Variants in LY9 observed in about 807,000 individuals in gnomAD.
LY9 encodes lymphocyte antigen 9.
A neutral mutation model predicts 64.6 loss-of-function variants in LY9; 59 were observed. The observed-to-expected ratio is 0.91, with a 90% CI of 0.74 to 1.13. LY9 has a LOEUF of 1.13. Ranked by LOEUF, LY9 falls within the 50% of genes most tolerant of loss-of-function variation. LY9 has a pLI of 0.00. For missense variants in LY9, 789 were observed against 797.2 expected (o/e 0.99, Z 0.12); for synonymous variants, 281 against 308.5 (o/e 0.91, Z 0.93).
chr1:160,805,483 A>T (rs1458484177), intron 2 of LY9, among the ~76,000 whole-genome samples: 4 of 152,148 alleles, frequency 2.6e-5, no homozygotes, highest in Admixed American at 6.5e-5. Flanking sequence ...TCAATTTTTT[A>T]AAATTTGTTG....
intron 4 of LY9, 95 bp downstream of exon 4, chr1:160,814,856 C>G: frequency 6.0e-6 from 6 of 1,006,064 alleles, no homozygotes; most frequent in South Asian, 3.1e-5. Context: ...CAAGGGTCTT[C>G]CCTCATACTG....
intron 7 of LY9, among the ~76,000 whole-genome samples, chr1:160,820,130 T>C (rs1024896996): frequency 9.2e-5 from 14 of 152,168 alleles, no homozygotes; most frequent in Non-Finnish European, 5.9e-5. Context: ...TTGTCTCCAT[T>C]CTGAGAACAG....
intron 9 of LY9, among the ~76,000 whole-genome samples, chr1:160,825,041 A>C (rs1354085521): frequency 6.6e-6 from 1 of 151,766 alleles, no homozygotes; most frequent in African/African-American, 2.4e-5. Flanking sequence ...TGTCTTTATA[A>C]AAAGTTCAAA....
At chr1:160,816,329 T>C (rs1325303571) in intron 4 of LY9, among the ~76,000 whole-genome samples, 3 of 152,200 alleles carry the variant, frequency 2.0e-5, no homozygotes, top group Admixed American at 1.3e-4. Flanking sequence ...ACTAACTGTA[T>C]AGAATGAGGT....
Position 160,814,575 on chromosome 1 carries a change from G to A in LY9, c.886G>A (p.Ala296Thr). The A allele has an allele frequency of 6.2e-7, 1 of 1,614,160 alleles. No homozygotes were observed. Among genetic ancestry groups the A allele is most frequent in the Non-Finnish European group, 8.5e-7 (1 of 1,180,034 alleles). ...TSIISKEREE[A>T]ATADPLIKSR... ...CATCATTAGCAAAGAGAGGGAAGAA[G>A]CAGCAACGGCAGATCCACTCATTAA... The change falls in exon 4 of 10, where the codon GCA becomes ACA. Residue 296 changes from alanine (A) to threonine (T), a missense_variant. Ala to Thr is a moderately conservative substitution (Grantham distance 58). Transcript: ENST00000263285.
intron 7 of LY9, among the ~76,000 whole-genome samples, chr1:160,822,358 T>C (rs891310748): frequency 1.3e-5 from 2 of 152,170 alleles, no homozygotes; most frequent in South Asian, 2.1e-4. Flanking sequence ...GACGTTTACG[T>C]AGTGCCTGGG....
intron 8 of LY9, 149 bp from the exon 9 acceptor site, chr1:160,824,032 A>T: frequency 1.1e-6 from 1 of 948,446 alleles, no homozygotes; most frequent in Non-Finnish European, 1.6e-6. Context: ...TTGGAGAACC[A>T]GAGGCACCGT....
chr1:160,797,459 C>T (rs7555286), intron 1 of LY9, among the ~76,000 whole-genome samples: 94,994 of 152,050 alleles, frequency 0.62, 30,475 homozygotes, highest in Non-Finnish European at 0.69. Flanking sequence ...AGCAGCAAGG[C>T]TGTTTATGTT....
chr1:160,810,148 G>A (rs1667354843), intron 2 of LY9: 1 of 152,256 alleles, frequency 6.6e-6, no homozygotes, highest in African/African-American at 2.4e-5. Flanking sequence ...CAAAGTGCTA[G>A]GATTATAGGC....
chr1:160,815,864 C>G (rs1311726857), intron 4 of LY9, among the ~76,000 whole-genome samples: 2 of 152,212 alleles, frequency 1.3e-5, no homozygotes, highest in African/African-American at 4.8e-5. Context: ...CTCCTCAGCC[C>G]TGGGCCTCAC....
At chr1:160,802,027 T>A (rs2101746298) in intron 2 of LY9, 1 of 1,467,570 alleles carries the variant, frequency 6.8e-7, no homozygotes, top group East Asian at 2.5e-5. Flanking sequence ...CCAGTGCCAC[T>A]GCCCCCCGAG....
chr1:160,805,612 T>G (rs1203057143), intron 2 of LY9, among the ~76,000 whole-genome samples: 1 of 152,152 alleles, frequency 6.6e-6, no homozygotes, highest in Non-Finnish European at 1.5e-5. Context: ...GTTAGGTCCA[T>G]TTGGTCCAAA....
rs375226732 is a variant in LY9, at chr1:160,799,801, T to C, written c.173T>C (p.Ile58Thr). The C allele has an allele frequency of 1.4e-5, 23 of 1,613,858 alleles. No homozygotes were observed. In the African/African-American group the frequency reaches 2.4e-4, roughly 17 times the overall value. Residue 58 changes from isoleucine to threonine, a missense_variant, in exon 2 of 10, where the codon ATC becomes ACC. Coordinates refer to ENST00000263285, the MANE Select transcript of LY9 (RefSeq NM_002348.4). ...KDSAPTVVSG[I>T]LGGSVTLPLN... is the part of the protein sequence containing the mutation. The stretch of plus-strand genomic sequence containing the variant: ...TCAGCCCCAACAGTGGTGTCAGGGA[T>C]CCTAGGGGGTTCCGTGACTCTCCCC...
chr1:160,801,757 ATTC>A, intron 2 of LY9: 1 of 1,547,430 alleles, frequency 6.5e-7, no homozygotes, highest in Non-Finnish European at 8.9e-7. Context: ...GTTCAACTTC[ATTC>A]TTCTGCATGT....
chr1:160,800,087 G>A lies in LY9; in HGVS notation c.454+5G>A, dbSNP rs1666297912. On this transcript the variant is annotated splice_donor_5th_base_variant and intron_variant, in intron 2 of 9. Coordinates refer to ENST00000263285, the MANE Select transcript of LY9 (RefSeq NM_002348.4). ...AATTCACCCTGTTCGTCTATGGTGAGTTCCAGAGAGCTTCTGTGTTTTGAT... is the reference window on the plus strand; with the variant it reads ...AATTCACCCTGTTCGTCTATGGTGAATTCCAGAGAGCTTCTGTGTTTTGAT... 6.3e-7 allele frequency: 1 copy of A among 1,594,216 alleles called. No homozygotes were observed. Among genetic ancestry groups the A allele is most frequent in the Admixed American group, 1.7e-5 (1 of 57,196 alleles).
chr1:160,814,997 C>T, intron 4 of LY9: 1 of 554,132 alleles, frequency 1.8e-6, no homozygotes. Flanking sequence ...GTTAGGCCTC[C>T]ACCACCCAAC....
At chr1:160,808,920 C>A (rs1318435753) in intron 2 of LY9, among the ~76,000 whole-genome samples, 1 of 152,042 alleles carries the variant, frequency 6.6e-6, no homozygotes, top group African/African-American at 2.4e-5. Flanking sequence ...CACCTAATTC[C>A]ATATACACAG....
At chr1:160,804,975 T>C (rs1666838867) in intron 2 of LY9, among the ~76,000 whole-genome samples, 1 of 152,162 alleles carries the variant, frequency 6.6e-6, no homozygotes, top group Non-Finnish European at 1.5e-5. Flanking sequence ...ATTTTGTTTA[T>C]TTGGGTCTTC....
At chr1:160,818,039 A>T (rs897012159) in intron 5 of LY9, among the ~76,000 whole-genome samples, 179 bp from the exon 6 acceptor site, 2 of 152,136 alleles carry the variant, frequency 1.3e-5, no homozygotes, top group East Asian at 1.9e-4. Context: ...TACTGCTATA[A>T]CCTCTTGCCT....
Sources: gnomAD v4.1 joint callset for allele counts (sites outside exome capture counted in the v4.1 genomes callset) on GRCh38, gnomAD v4.1.1 for gene constraint, MANE v1.5 for transcripts, NCBI Gene and HGNC (gene_info 2026-07-23, HGNC 2026-07-21) for gene names.